ACTR8: variants seen among roughly 807,000 people sequenced by gnomAD.
ACTR8 encodes the protein actin-related protein 8.
ACTR8 carries 70 observed loss-of-function variants against 84.3 expected under a neutral mutation model. The ratio of observed to expected loss-of-function variants is 0.83; its 90% CI spans 0.68 to 1.01. The LOEUF is 1.01. Among genes scored for constraint, ACTR8 ranks in the 50% least tolerant of loss-of-function variants. The probability of loss-of-function intolerance (pLI) is 0.00; values close to 1 mark genes in which losing one functional copy is unlikely to be tolerated. For missense variants in ACTR8, 672 were observed against 775.4 expected, an observed-to-expected ratio of 0.87 and a Z score of 1.58; for synonymous variants, 268 against 275.2, an observed-to-expected ratio of 0.97 and a Z score of 0.26.
rs1188526655 is a variant in ACTR8 at position 53,870,508 on chromosome 3, G to A, written c.1568-363C>T. ...TCTACTAAAAATACAAAAAGTAGCC[G>A]GGCATGGTAGCGTGCGCCTGTAGTC... On this transcript the variant is annotated intron_variant, in intron 11 of 12. Transcript: ENST00000335754. This position sits in a 1 kb window ranked among gnomAD's most constrained non-coding sequence, Gnocchi z 4.1. 2.6e-5 allele frequency among the ~76,000 whole-genome samples: 4 copies of A among 152,086 alleles called. No individual in the cohort carries two copies. Among genetic ancestry groups the A allele is most frequent in the African/African-American group, 7.2e-5 (3 of 41,410 alleles).
chr3:53,874,275 A>G lies in ACTR8; in HGVS notation c.1001T>C (p.Leu334Ser), dbSNP rs1699933937. ...RAGFPYRECQ[L>S]TNKMDCLLLQ... ...AAGAAGACAATCCATTTTATTTGTT[A>G]ACTGGCATTCTCTGTAAGGGAACCC... is the stretch of plus-strand genomic sequence containing the variant. The change falls in exon 8 of 13, where the codon TTA becomes TCA. Residue 334 changes from leucine (L) to serine (S), a missense_variant. Physicochemically the swap from Leu to Ser is moderately radical, Grantham distance 145. Transcript: ENST00000335754. The G allele has an allele frequency of 6.2e-7, 1 of 1,614,098 alleles. No homozygotes were observed. Among genetic ancestry groups the G allele is most frequent in the African/African-American group, 1.3e-5 (1 of 74,940 alleles).
At chr3:53,865,599 C>T, downstream of ACTR8, 3 of 350,346 alleles carry the variant, frequency 8.6e-6, no homozygotes, top group Non-Finnish European at 1.6e-5. Flanking sequence ...AGCCAAACAT[C>T]TAGTCTTCCA....
intron 10 of ACTR8, 129 bp downstream of exon 10, chr3:53,872,255 A>C: frequency 9.2e-7 from 1 of 1,086,324 alleles, no homozygotes; most frequent in South Asian, 3.0e-5. Flanking sequence ...CAGTTCATCT[A>C]CAATTCTAAA....
chr3:53,878,580 C>T (rs988425461), intron 2 of ACTR8, 113 bp from the exon 3 acceptor site: 7 of 710,780 alleles, frequency 9.8e-6, no homozygotes, highest in South Asian at 5.1e-5. Flanking sequence ...CAACAAGTAG[C>T]GTTTCCTTAA....
At chr3:53,871,604 A>G (rs1699885027) in intron 10 of ACTR8, 108 bp from the exon 11 acceptor site, 2 of 1,278,022 alleles carry the variant, frequency 1.6e-6, no homozygotes, top group Admixed American at 2.1e-5. Flanking sequence ...CAAAAGCCAC[A>G]CAGCAATACA....
At chr3:53,873,230 G>C (rs1699915309) in intron 8 of ACTR8, 103 bp from the exon 9 acceptor site, 1 of 823,090 alleles carries the variant, frequency 1.2e-6, no homozygotes, top group Non-Finnish European at 2.0e-6. Flanking sequence ...CCTATAAAAA[G>C]GCCAACCTAC....
downstream of ACTR8, among the ~76,000 whole-genome samples, chr3:53,866,175 C>T (rs1004347805): frequency 1.6e-4 from 24 of 152,312 alleles, no homozygotes; most frequent in Admixed American, 8.5e-4. Flanking sequence ...GCAAAAGGAT[C>T]GCTCAAGACC....
At chr3:53,874,507 T>C in intron 7 of ACTR8, 143 bp from the exon 8 acceptor site, 1 of 789,692 alleles carries the variant, frequency 1.3e-6, no homozygotes, top group South Asian at 2.2e-5. Flanking sequence ...AGCAGATCAC[T>C]TGAGGCCAGG....
rs1261831840 is a variant in ACTR8, at chr3:53,877,446, G to C, written c.511-59C>G. 4 of 1,497,216 alleles carry C rather than the reference G, an allele frequency of 2.7e-6. No individual in the cohort carries two copies. In the Admixed American group the frequency reaches 9.3e-5, roughly 35 times the overall value. The allele number at this position is 1,497,216 out of a possible 1,614,324, so 92.7% of individuals were successfully genotyped here. ...AAAACTTTTCTCTCAAGGTTTTCTG[G>C]ATTCATATCCAAAAATCTAACTAAC... On this transcript the variant is annotated intron_variant, in intron 4 of 12. Transcript: ENST00000335754.
chr3:53,862,513 A>T (rs572159374), downstream of ACTR8, among the ~76,000 whole-genome samples: 4 of 152,346 alleles, frequency 2.6e-5, 1 homozygote, highest in East Asian at 5.8e-4. Flanking sequence ...CCAATCAAGG[A>T]AAGAGATTGT....
chr3:53,873,550 A>G (rs970194990), intron 8 of ACTR8, among the ~76,000 whole-genome samples: 2 of 152,236 alleles, frequency 1.3e-5, no homozygotes, highest in East Asian at 3.8e-4. Flanking sequence ...CAATATTAAG[A>G]AAGTGCTTCA....
chr3:53,874,616 C>T (rs1450981966), intron 7 of ACTR8, among the ~76,000 whole-genome samples: 1 of 151,796 alleles, frequency 6.6e-6, no homozygotes, highest in African/African-American at 2.4e-5. Flanking sequence ...CCCAGCTACT[C>T]GGGAGGCTGA....
downstream of ACTR8, among the ~76,000 whole-genome samples, chr3:53,863,851 C>T (rs1486040363): frequency 5.5e-5 from 8 of 145,296 alleles, no homozygotes; most frequent in African/African-American, 1.8e-4. Flanking sequence ...GAGACAGGGT[C>T]TCACTCTGTT....
chr3:53,881,947 G>T (rs774592043), intron 1 of ACTR8, 32 bp downstream of exon 1: 3 of 1,554,252 alleles, frequency 1.9e-6, no homozygotes, highest in East Asian at 4.9e-5. Context: ...CCCAAGCAAG[G>T]GCAAAGAGTT....
At chr3:53,879,877 T>C in intron 2 of ACTR8, 62 bp downstream of exon 2, 1 of 1,446,614 alleles carries the variant, frequency 6.9e-7, no homozygotes, top group Non-Finnish European at 9.3e-7. Flanking sequence ...CTGGTGTACT[T>C]GTGTCTAAGC....
At chr3:53,877,492 G>C (rs1373425589) in intron 4 of ACTR8, 105 bp from the exon 5 acceptor site, 4 of 1,362,430 alleles carry the variant, frequency 2.9e-6, no homozygotes, top group Non-Finnish European at 4.0e-6. Context: ...TGTGAGAAAT[G>C]TTGAGAGTGA....
At chr3:53,866,110 CAG>C (rs773272798), downstream of ACTR8, among the ~76,000 whole-genome samples, 11 of 152,176 alleles carry the variant, frequency 7.2e-5, no homozygotes, top group South Asian at 2.1e-4. Context: ...AAATAAAAAA[CAG>C]GGGTGGGTGC....
At chr3:53,875,441 C>G (rs887738958) in intron 7 of ACTR8, among the ~76,000 whole-genome samples, 1 of 152,190 alleles carries the variant, frequency 6.6e-6, no homozygotes, top group Non-Finnish European at 1.5e-5. Flanking sequence ...GAAGGACAAG[C>G]TGCAAATCTG....
At chr3:53,864,340 T>C (rs1224151361), downstream of ACTR8, among the ~76,000 whole-genome samples, 1 of 152,112 alleles carries the variant, frequency 6.6e-6, no homozygotes, top group East Asian at 1.9e-4. Context: ...ATCGAGACCA[T>C]CCTGGCTAAC....
Sources: allele counts gnomAD v4.1 joint callset (sites outside exome capture counted in the v4.1 genomes callset), GRCh38; gene constraint gnomAD v4.1.1; non-coding constraint Gnocchi (gnomAD v3.1); transcripts MANE v1.5; gene names NCBI Gene and HGNC (gene_info 2026-07-23, HGNC 2026-07-21).